The following CHRDL1 variants were observed in gnomAD, a reference collection of about 807,000 sequenced individuals.
CHRDL1 encodes chordin-like protein 1.
Under a neutral mutation model 40.9 loss-of-function variants are expected in CHRDL1, and 19 were observed. The ratio of observed to expected loss-of-function variants is 0.46; its 90% confidence interval spans 0.32 to 0.68. The LOEUF (loss-of-function observed/expected upper bound fraction) is 0.68. CHRDL1 is among the 30% of genes least tolerant of loss of function. The probability of loss-of-function intolerance (pLI) is 0.03; values close to 1 mark genes in which losing one functional copy is unlikely to be tolerated. For missense variants in CHRDL1, 329 were observed against 352.1 expected (o/e 0.93, Z 0.53); for synonymous variants, 136 against 123.4 (o/e 1.10, Z -0.68).
At chrX:110,756,777 C>T (rs1439478205) in intron 4 of CHRDL1, among the ~76,000 whole-genome samples, 1 of 111,675 alleles carries the variant, frequency 9.0e-6, no homozygotes, top group Non-Finnish European at 1.9e-5. Flanking sequence ...AAGGAAAATT[C>T]AGAACTAAGA....
At chrX:110,768,756 C>T (rs1010655243) in intron 2 of CHRDL1, among the ~76,000 whole-genome samples, 2 of 110,935 alleles carry the variant, frequency 1.8e-5, no homozygotes, top group African/African-American at 6.6e-5. Flanking sequence ...GTTGGCTTCC[C>T]TACTTTTGAG....
chrX:110,719,920 G>A lies in CHRDL1; in HGVS notation c.456C>T (p.Asn152=), dbSNP rs757137995. Residue 152 remains asparagine (N), a synonymous_variant, in exon 6 of 12, where the codon AAC becomes AAT. Coordinates refer to ENST00000372042, the MANE Select transcript of CHRDL1 (RefSeq NM_001143981.2). The part of the protein sequence containing the change: ...QCTQCSCSEG[N]VYCGLKTCPK... ...GGCAAGTCTTGAGACCACAATACAC[G>A]TTTCCCTCCTGCCAAGGAGAAACAG... 56 of 1,175,459 alleles carry A rather than the reference G, an allele frequency of 4.8e-5. No homozygotes were observed. Among genetic ancestry groups the A allele is most frequent in the Non-Finnish European group, 5.9e-5 (51 of 865,178 alleles).
chrX:110,745,737 C>T (rs554339018), intron 4 of CHRDL1, among the ~76,000 whole-genome samples: 1 of 111,934 alleles, frequency 8.9e-6, no homozygotes, highest in Non-Finnish European at 1.9e-5. Context: ...GTGAACTCGT[C>T]GAGGCAGGAA....
intron 4 of CHRDL1, among the ~76,000 whole-genome samples, chrX:110,740,467 G>A (rs1281416620): frequency 2.7e-5 from 3 of 112,247 alleles, no homozygotes; most frequent in Non-Finnish European, 5.6e-5. Flanking sequence ...CTAAATTCCC[G>A]ATGGTGCGGC....
intron 6 of CHRDL1, among the ~76,000 whole-genome samples, chrX:110,703,792 C>T (rs7877330): frequency 9.0e-6 from 1 of 111,462 alleles, no homozygotes; most frequent in African/African-American, 3.3e-5. Context: ...CAGCATAAAC[C>T]GACAGTGATA....
At chrX:110,693,253 A>C (rs765344126) in intron 8 of CHRDL1, among the ~76,000 whole-genome samples, 1 of 111,847 alleles carries the variant, frequency 8.9e-6, no homozygotes, top group East Asian at 2.8e-4. Context: ...TAGCCAGTTG[A>C]TCAACTAAGT....
At chrX:110,683,321 T>C (rs2069940877) in intron 9 of CHRDL1, among the ~76,000 whole-genome samples, 1 of 112,549 alleles carries the variant, frequency 8.9e-6, no homozygotes, top group Admixed American at 9.4e-5. Flanking sequence ...TTTCACACTC[T>C]GCACTTCAAG....
At chrX:110,760,839 A>G (rs757635633) in intron 3 of CHRDL1, among the ~76,000 whole-genome samples, 3 of 111,700 alleles carry the variant, frequency 2.7e-5, no homozygotes, top group Non-Finnish European at 5.6e-5. Flanking sequence ...GCAACACCAC[A>G]GAAGCTCCTC....
chrX:110,741,904 C>A (rs2071367903), intron 4 of CHRDL1, among the ~76,000 whole-genome samples: 1 of 111,741 alleles, frequency 8.9e-6, no homozygotes, highest in African/African-American at 3.3e-5. Flanking sequence ...CCTGGAGGAG[C>A]TATCTGCTTG....
At chrX:110,794,956 A>G (rs2090158872) in intron 1 of CHRDL1, among the ~76,000 whole-genome samples, 1 of 112,593 alleles carries the variant, frequency 8.9e-6, no homozygotes, top group Non-Finnish European at 1.9e-5. Context: ...ACCCAGCAAG[A>G]AAAGTTCAGT....
chrX:110,714,658 G>A (rs2070809172), intron 6 of CHRDL1, among the ~76,000 whole-genome samples: 1 of 111,642 alleles, frequency 9.0e-6, no homozygotes, highest in Non-Finnish European at 1.9e-5. Flanking sequence ...GCCAATGAAG[G>A]CTAGGTCTGA....
intron 9 of CHRDL1, among the ~76,000 whole-genome samples, chrX:110,683,838 G>A (rs748576077): frequency 2.7e-5 from 3 of 111,492 alleles, no homozygotes; most frequent in African/African-American, 6.5e-5. Flanking sequence ...AGAGTGTTCA[G>A]TGAAAATGCT....
chrX:110,691,360 A>G (rs2070274021), intron 8 of CHRDL1, among the ~76,000 whole-genome samples: 2 of 110,112 alleles, frequency 1.8e-5, no homozygotes, highest in Admixed American at 9.8e-5. Flanking sequence ...CTAGGCTCCA[A>G]GATAACTGCA....
At chrX:110,684,390 G>A (rs770962027) in intron 9 of CHRDL1, among the ~76,000 whole-genome samples, 2 of 110,548 alleles carry the variant, frequency 1.8e-5, no homozygotes, top group South Asian at 7.8e-4. Flanking sequence ...CTTTTCTTCT[G>A]TGTCATGTGT....
intron 4 of CHRDL1, among the ~76,000 whole-genome samples, chrX:110,723,505 A>G (rs1209139603): frequency 8.9e-6 from 1 of 111,755 alleles, no homozygotes; most frequent in Non-Finnish European, 1.9e-5. Flanking sequence ...GAAGAAACTA[A>G]GGCTTAAGAG....
intron 4 of CHRDL1, among the ~76,000 whole-genome samples, chrX:110,745,912 C>T (rs779986209): frequency 1.8e-5 from 2 of 112,156 alleles, no homozygotes; most frequent in South Asian, 7.4e-4. Flanking sequence ...CTGACTAAGG[C>T]TGCTGTCCAG....
intron 6 of CHRDL1, among the ~76,000 whole-genome samples, chrX:110,712,157 T>C (rs187275393): frequency 8.9e-6 from 1 of 112,091 alleles, no homozygotes; most frequent in Non-Finnish European, 1.9e-5. Context: ...AGTGCAAGAA[T>C]ATATTTCTGA....
intron 4 of CHRDL1, among the ~76,000 whole-genome samples, chrX:110,727,615 T>C (rs1270482762): frequency 8.9e-6 from 1 of 111,995 alleles, no homozygotes; most frequent in Non-Finnish European, 1.9e-5. Flanking sequence ...AAGTGGCCCT[T>C]AGACATGAAA....
intron 3 of CHRDL1, among the ~76,000 whole-genome samples, chrX:110,760,670 A>G (rs184161928): frequency 1.8e-5 from 2 of 112,271 alleles, no homozygotes; most frequent in East Asian, 5.6e-4. Context: ...AAATCAGGCC[A>G]TCCCAGGCAG....
Sources: gnomAD v4.1 joint callset for allele counts (sites outside exome capture counted in the v4.1 genomes callset) on GRCh38, gnomAD v4.1.1 for gene constraint, MANE v1.5 for transcripts, NCBI Gene and HGNC (gene_info 2026-07-23, HGNC 2026-07-21) for gene names.